EIF4G3: variants seen among roughly 807,000 people sequenced by gnomAD.
EIF4G3 encodes eukaryotic translation initiation factor 4 gamma 3.
A neutral mutation model predicts 186.4 loss-of-function variants in EIF4G3; 34 were observed. The ratio of observed to expected loss-of-function variants is 0.18; its 90% CI spans 0.14 to 0.24. The LOEUF (loss-of-function observed/expected upper bound fraction) is 0.24, where lower values mean the gene tolerates loss of function less well. EIF4G3 is among the 10% of genes least tolerant of loss of function. The pLI, the probability that EIF4G3 is intolerant of heterozygous loss-of-function variation, is 1.00. For missense variants in EIF4G3, 1,536 were observed against 1,948.5 expected, an observed-to-expected ratio of 0.79 and a Z score of 3.99; for synonymous variants, 673 against 679.5, an observed-to-expected ratio of 0.99 and a Z score of 0.15.
intron 14 of EIF4G3, among the ~76,000 whole-genome samples, chr1:20,916,223 G>A (rs1435801372): frequency 6.6e-6 from 1 of 152,048 alleles, no homozygotes; most frequent in Non-Finnish European, 1.5e-5. Context: ...GAGGCAGGCG[G>A]ATCACGAGGT....
intron 33 of EIF4G3, among the ~76,000 whole-genome samples, chr1:20,821,643 T>C (rs2062386257): frequency 6.6e-6 from 1 of 152,112 alleles, no homozygotes; most frequent in African/African-American, 2.4e-5. Flanking sequence ...ACTTCTGTTA[T>C]GTATACTTCA....
intron 4 of EIF4G3, among the ~76,000 whole-genome samples, chr1:21,019,840 C>T (rs375522642): frequency 5.0e-4 from 76 of 152,278 alleles, no homozygotes; most frequent in Middle Eastern, 3.4e-3. Flanking sequence ...GCCGAGACTG[C>T]ACCACTGCAC....
intron 13 of EIF4G3, among the ~76,000 whole-genome samples, chr1:20,947,605 G>T (rs1359537500): frequency 6.8e-6 from 1 of 147,060 alleles, no homozygotes; most frequent in Non-Finnish European, 1.5e-5. Context: ...AAAGAGAAAG[G>T]GAGAGAGAAA....
intron 30 of EIF4G3, among the ~76,000 whole-genome samples, chr1:20,837,640 A>G (rs117938628): frequency 6.6e-6 from 1 of 152,190 alleles, no homozygotes; most frequent in African/African-American, 2.4e-5. Flanking sequence ...GCTCTTCCAC[A>G]ATACTATGGA....
intron 3 of EIF4G3, among the ~76,000 whole-genome samples, chr1:21,073,982 T>C (rs1301588328): frequency 2.6e-5 from 4 of 152,186 alleles, no homozygotes; most frequent in Non-Finnish European, 5.9e-5. Context: ...TTCTAAACAC[T>C]ACAATTTTCA....
At chr1:20,903,081 T>C (rs977312484) in intron 15 of EIF4G3, among the ~76,000 whole-genome samples, 4 of 152,278 alleles carry the variant, frequency 2.6e-5, no homozygotes, top group Admixed American at 1.3e-4. Context: ...CGCCTGCTTT[T>C]GCACAGCATA....
chr1:21,068,394 A>C (rs923876800), intron 3 of EIF4G3, among the ~76,000 whole-genome samples: 7 of 149,638 alleles, frequency 4.7e-5, no homozygotes, highest in Non-Finnish European at 1.0e-4. Flanking sequence ...AAAAAAAAAA[A>C]AAAAAACAGA....
intron 2 of EIF4G3, among the ~76,000 whole-genome samples, chr1:21,127,407 A>T (rs1319858790): frequency 6.6e-6 from 1 of 152,200 alleles, no homozygotes; most frequent in Non-Finnish European, 1.5e-5. Flanking sequence ...TCTACACAGC[A>T]CTTATCACCA....
chr1:20,863,370 A>C (rs2076775335), intron 22 of EIF4G3, among the ~76,000 whole-genome samples: 1 of 91,570 alleles, frequency 1.1e-5, no homozygotes. Flanking sequence ...CATCATCTCT[A>C]CAAAAAGTAA....
intron 2 of EIF4G3, among the ~76,000 whole-genome samples, chr1:21,142,804 A>G (rs2097363111): frequency 6.6e-6 from 1 of 152,236 alleles, no homozygotes; most frequent in East Asian, 1.9e-4. Flanking sequence ...GGTTCATAAT[A>G]TAAGAAAAAC....
intron 2 of EIF4G3, among the ~76,000 whole-genome samples, chr1:21,145,109 AAAAT>A (rs986997663): frequency 2.0e-5 from 3 of 151,646 alleles, no homozygotes; most frequent in African/African-American, 7.3e-5. Flanking sequence ...CAAGAAAAAA[AAAAT>A]TATGCCATTA....
At chr1:20,854,522 C>T (rs2074286566) in intron 26 of EIF4G3, among the ~76,000 whole-genome samples, 1 of 144,594 alleles carries the variant, frequency 6.9e-6, no homozygotes, top group South Asian at 2.2e-4. Flanking sequence ...AGTGAGACTC[C>T]ATCTCTACAA....
chr1:21,142,901 G>C (rs34627824), intron 2 of EIF4G3, among the ~76,000 whole-genome samples: 2,347 of 152,162 alleles, frequency 0.015, 36 homozygotes, highest in Middle Eastern at 0.082. Flanking sequence ...CCAAAAAATG[G>C]AAATAGATAT....
rs189945582 is a variant in EIF4G3 at position 20,896,228 on chromosome 1, T to A, written c.2000-727A>T. ...TCCCAGTACTTTGGGAGGCCAAGAGTTTGAGACCAGCCTGGGCGATGTAGT... is the reference window on the plus strand; with the variant it reads ...TCCCAGTACTTTGGGAGGCCAAGAGATTGAGACCAGCCTGGGCGATGTAGT... On this transcript the variant is annotated intron_variant, in intron 16 of 36. Transcript: ENST00000602326. Among the ~76,000 whole-genome samples, 34 of 150,218 alleles carry A rather than the reference T, an allele frequency of 2.3e-4. No homozygotes were observed. The East Asian group carries it at 6.3e-3, about 28-fold the overall frequency.
At chr1:21,114,815 T>C (rs1397084096) in intron 2 of EIF4G3, among the ~76,000 whole-genome samples, 1 of 152,224 alleles carries the variant, frequency 6.6e-6, no homozygotes, top group Non-Finnish European at 1.5e-5. Context: ...AACTCAATCG[T>C]TATTATTAGC....
chr1:20,994,361 T>G (rs1472438954), intron 7 of EIF4G3, among the ~76,000 whole-genome samples: 1 of 152,214 alleles, frequency 6.6e-6, no homozygotes, highest in Non-Finnish European at 1.5e-5. Flanking sequence ...TTTCTTCTCC[T>G]CTATTCAAGG....
chr1:20,844,966 T>C (rs1407946285), intron 29 of EIF4G3, among the ~76,000 whole-genome samples: 1 of 152,242 alleles, frequency 6.6e-6, no homozygotes, highest in Non-Finnish European at 1.5e-5. Flanking sequence ...GCAGAAGCTC[T>C]ATAGTTTAAT....
chr1:20,862,915 C>T (rs1173667132), intron 22 of EIF4G3, among the ~76,000 whole-genome samples: 1 of 152,054 alleles, frequency 6.6e-6, no homozygotes, highest in Non-Finnish European at 1.5e-5. Context: ...GCTGGGACCA[C>T]AGACAGGCAT....
intron 14 of EIF4G3, among the ~76,000 whole-genome samples, chr1:20,936,083 G>A (rs2095508593): frequency 6.6e-6 from 1 of 152,204 alleles, no homozygotes; most frequent in Admixed American, 6.5e-5. Context: ...AAGAGGCAAG[G>A]AAGAACTACG....
Sources: gnomAD v4.1 joint callset for allele counts (sites outside exome capture counted in the v4.1 genomes callset) on GRCh38, gnomAD v4.1.1 for gene constraint, MANE v1.5 for transcripts, NCBI Gene and HGNC (gene_info 2026-07-23, HGNC 2026-07-21) for gene names.